The following NEK6 variants were observed in gnomAD, a reference collection of about 807,000 sequenced individuals.
NEK6 encodes the protein NIMA related kinase 6, also known as serine/threonine-protein kinase Nek6.
NEK6 carries 27 observed loss-of-function variants against 43.5 expected under a neutral mutation model. The ratio of observed to expected loss-of-function variants is 0.62; its 90% confidence interval spans 0.46 to 0.86. The LOEUF (loss-of-function observed/expected upper bound fraction) is 0.86, where lower values mean the gene tolerates loss of function less well. Ranked by LOEUF, NEK6 falls within the 40% of genes least tolerant of loss-of-function variation. The probability of loss-of-function intolerance (pLI) is 0.00; values close to 1 mark genes in which losing one functional copy is unlikely to be tolerated. For missense variants in NEK6, 318 were observed against 414.4 expected (o/e 0.77, Z 2.02); for synonymous variants, 167 against 164.1 (o/e 1.02, Z -0.14).
At chr9:124,295,596 A>C (rs1205559626) in intron 1 of NEK6, among the ~76,000 whole-genome samples, 2 of 152,196 alleles carry the variant, frequency 1.3e-5, no homozygotes, top group Non-Finnish European at 2.9e-5. Flanking sequence ...CCGTCACTCA[A>C]CCTGTCTGAA....
chr9:124,322,007 C>T (rs182448301), intron 5 of NEK6, among the ~76,000 whole-genome samples: 166 of 152,334 alleles, frequency 1.1e-3, no homozygotes, highest in African/African-American at 3.7e-3. Context: ...CAGACCCCAG[C>T]TCTTGGGAAA....
Position 124,300,312 on chromosome 9 carries a change from G to A in NEK6, c.-29-1624G>A, listed in dbSNP as rs962196401. 5.9e-5 allele frequency among the ~76,000 whole-genome samples: 9 copies of A among 152,180 alleles called. No individual in the cohort carries two copies. The East Asian group carries it at 1.2e-3, about 20-fold the overall frequency. On this transcript the variant is annotated intron_variant, in intron 1 of 9. Transcript: ENST00000320246. The stretch of plus-strand genomic sequence containing the variant: ...ACTTGCACCCTGAGACACAGTGGCC[G>A]GACCTCTAGGAGCTGGCTGTGACAG...
intron 2 of NEK6, among the ~76,000 whole-genome samples, chr9:124,305,553 CAAAAAAA>C (rs11445181): frequency 8.1e-6 from 1 of 123,738 alleles, no homozygotes; most frequent in Admixed American, 8.3e-5. Flanking sequence ...GACCCCATCT[CAAAAAAA>C]AAAAAAAAAG....
upstream of NEK6, chr9:124,257,904 CCGCGGCGGGGAGGGGCGGGCGCGCGGGCG>C: frequency 3.1e-6 from 3 of 964,324 alleles, no homozygotes; most frequent in Non-Finnish European, 3.7e-6. Context: ...CGGCGCGGCC[CCGCGGCGGGGAGGGGCGGGCGCGCGGGCG>C]CGCGGGCCCG....
chr9:124,342,266 C>T (rs1030212144), intron 8 of NEK6, among the ~76,000 whole-genome samples: 1 of 152,226 alleles, frequency 6.6e-6, no homozygotes. Flanking sequence ...AAGAGACAGG[C>T]GTTCTAGGTC....
chr9:124,348,981 A>G (rs1213490560), intron 9 of NEK6, among the ~76,000 whole-genome samples: 1 of 152,226 alleles, frequency 6.6e-6, no homozygotes, highest in Non-Finnish European at 1.5e-5. Flanking sequence ...GTGGCCCATC[A>G]ATTAGCTGGG....
chr9:124,272,875 G>A (rs992603382), intron 1 of NEK6, among the ~76,000 whole-genome samples: 7 of 152,320 alleles, frequency 4.6e-5, no homozygotes, highest in Admixed American at 2.6e-4. Context: ...TTGAACCCAC[G>A]CCCGTGGCTT....
At chr9:124,332,218 G>A (rs778391480) in intron 7 of NEK6, among the ~76,000 whole-genome samples, 10 of 152,262 alleles carry the variant, frequency 6.6e-5, no homozygotes, top group African/African-American at 1.7e-4. Flanking sequence ...GGCCTGGGCC[G>A]TTCCCCGGGA....
intron 1 of NEK6, among the ~76,000 whole-genome samples, chr9:124,263,351 G>C (rs966664698): frequency 2.6e-5 from 4 of 152,166 alleles, no homozygotes; most frequent in African/African-American, 9.7e-5. Context: ...CCCCACAGCC[G>C]CATTGAGAGC....
chr9:124,342,260 G>A (rs565061746), intron 8 of NEK6, among the ~76,000 whole-genome samples: 1 of 152,352 alleles, frequency 6.6e-6, no homozygotes, highest in South Asian at 2.1e-4. Flanking sequence ...GAGGGGAAGA[G>A]ACAGGCGTTC....
Position 124,272,511 on chromosome 9 carries a change from A to AT in NEK6, c.-30+14427dup, listed in dbSNP as rs1392094556. 9.8e-5 allele frequency among the ~76,000 whole-genome samples: 15 copies of AT among 152,386 alleles called. No individual in the cohort carries two copies. The East Asian group carries it at 2.7e-3, about 27-fold the overall frequency. ...AATCTCTTTCTTCCATTAAAGGGCA[A>AT]TCCCTGGGGATTTAACATGCTGCCT... On this transcript the variant is annotated intron_variant, in intron 1 of 9. Transcript: ENST00000320246.
Position 124,326,211 on chromosome 9 carries a change from C to CCCCCCCCCCCCCCCCCCCCCCT in NEK6, c.406-117_406-116insCCCCCCCCCCCCCCCCCCCTCC. ...TTGCTCAGTGGCTCAATCCCCCCCC[C>CCCCCCCCCCCCCCCCCCCCCCT]CCGCCCCTGCCAGGCACCAGTTACC... On this transcript the variant is annotated intron_variant, in intron 5 of 9. Coordinates refer to ENST00000320246, the MANE Select transcript of NEK6 (RefSeq NM_014397.6). The surrounding 1 kb of genome is among the most constrained non-coding windows in gnomAD (Gnocchi z 4.5). 4 of 198,036 alleles carry CCCCCCCCCCCCCCCCCCCCCCT rather than the reference C, an allele frequency of 2.0e-5. No individual in the cohort carries two copies. Among genetic ancestry groups the CCCCCCCCCCCCCCCCCCCCCCT allele is most frequent in the South Asian group, 4.4e-5 (1 of 22,482 alleles). 12.3% of individuals were successfully genotyped at this position (198,036 alleles called of 1,614,324 possible).
At chr9:124,293,085 C>G in intron 1 of NEK6, 1 of 1,376,210 alleles carries the variant, frequency 7.3e-7, no homozygotes, top group Non-Finnish European at 9.5e-7. Context: ...GCCTGGGACT[C>G]CTAGAGTGAG....
At chr9:124,280,000 A>C (rs1016064633) in intron 1 of NEK6, among the ~76,000 whole-genome samples, 1 of 152,238 alleles carries the variant, frequency 6.6e-6, no homozygotes, top group African/African-American at 2.4e-5. Flanking sequence ...GGTGTTCTCA[A>C]AAAGGGAATG....
At chr9:124,264,783 C>A (rs1831159814) in intron 1 of NEK6, among the ~76,000 whole-genome samples, 2 of 145,522 alleles carry the variant, frequency 1.4e-5, no homozygotes, top group African/African-American at 5.1e-5. Flanking sequence ...CCACTGCACT[C>A]CAGCCTAGGC....
At chr9:124,270,222 C>T (rs764765299) in intron 1 of NEK6, among the ~76,000 whole-genome samples, 2 of 152,188 alleles carry the variant, frequency 1.3e-5, no homozygotes, top group Admixed American at 1.3e-4. Flanking sequence ...AAAGGTTGAT[C>T]AGACATCCTC....
At chr9:124,339,724 TTAGGACAGGGCTCAC>T in intron 8 of NEK6, 59 bp downstream of exon 8, 1 of 1,265,460 alleles carries the variant, frequency 7.9e-7, no homozygotes, top group Non-Finnish European at 1.2e-6. Flanking sequence ...GGGTGCCCAG[TTAGGACAGGGCTCAC>T]CCTACCAGCT....
chr9:124,258,430 G>GGA, intron 1 of NEK6: 1 of 832,202 alleles, frequency 1.2e-6, no homozygotes. Context: ...GACGGGCGGA[G>GGA]GAGTGTGCCG....
chr9:124,273,225 G>A (rs888460853), intron 1 of NEK6, among the ~76,000 whole-genome samples: 8 of 152,122 alleles, frequency 5.3e-5, no homozygotes, highest in Non-Finnish European at 1.2e-4. Context: ...AGCCCCGGGC[G>A]GCCTTATTCC....
Sources: gnomAD v4.1 joint callset for allele counts (sites outside exome capture counted in the v4.1 genomes callset) on GRCh38, gnomAD v4.1.1 for gene constraint, Gnocchi (gnomAD v3.1) non-coding constraint, MANE v1.5 for transcripts, NCBI Gene and HGNC (gene_info 2026-07-23, HGNC 2026-07-21) for gene names.